Variants in CLSTN2 observed in about 807,000 individuals in gnomAD.
CLSTN2 encodes the protein calsyntenin-2.
CLSTN2 carries 48 observed loss-of-function variants against 101.2 expected under a neutral mutation model. The observed-to-expected ratio is 0.47, with a 90% CI of 0.38 to 0.60. The LOEUF (loss-of-function observed/expected upper bound fraction) is 0.60, where lower values mean the gene tolerates loss of function less well. CLSTN2 is among the 20% of genes least tolerant of loss of function. CLSTN2 has a pLI of 0.00. For missense variants in CLSTN2, 1,160 were observed against 1,238.2 expected, an observed-to-expected ratio of 0.94 and a Z score of 0.95; for synonymous variants, 481 against 463.6, an observed-to-expected ratio of 1.04 and a Z score of -0.48.
At chr3:140,464,703 T>C (rs1933644553) in intron 7 of CLSTN2, among the ~76,000 whole-genome samples, 1 of 152,182 alleles carries the variant, frequency 6.6e-6, no homozygotes, top group Non-Finnish European at 1.5e-5. Context: ...AAATTCTTCC[T>C]TTCTATATTT....
chr3:140,374,538 G>T (rs1993961), intron 2 of CLSTN2, among the ~76,000 whole-genome samples: 145,675 of 152,272 alleles, frequency 0.96, 70,001 homozygotes, highest in East Asian at 1. Context: ...TAAATTTCCT[G>T]TATAATTTTA....
chr3:140,450,761 C>G (rs909485228), intron 6 of CLSTN2, among the ~76,000 whole-genome samples: 2 of 152,046 alleles, frequency 1.3e-5, no homozygotes, highest in African/African-American at 4.8e-5. Context: ...CACACACACC[C>G]CTTCACCCAC....
chr3:140,442,643 C>T (rs1009771128), intron 5 of CLSTN2, among the ~76,000 whole-genome samples: 3 of 152,090 alleles, frequency 2.0e-5, no homozygotes, highest in South Asian at 2.1e-4. Context: ...ATGGATTGAT[C>T]GAGGGGTGGC....
intron 1 of CLSTN2, among the ~76,000 whole-genome samples, chr3:140,142,580 G>T (rs1000726382): frequency 6.6e-6 from 1 of 152,200 alleles, no homozygotes; most frequent in Non-Finnish European, 1.5e-5. Context: ...ACTAAGTTCT[G>T]CACCTGGATT....
At chr3:140,201,686 T>C (rs1576465124) in intron 2 of CLSTN2, among the ~76,000 whole-genome samples, 1 of 152,282 alleles carries the variant, frequency 6.6e-6, no homozygotes, top group South Asian at 2.1e-4. Flanking sequence ...AAACTTAGAA[T>C]ATATCAGTAA....
chr3:139,937,746 AAAACAAAC>A (rs201494181), intron 1 of CLSTN2, among the ~76,000 whole-genome samples: 8 of 151,994 alleles, frequency 5.3e-5, no homozygotes, highest in Admixed American at 4.6e-4. Flanking sequence ...CTCCGTCTCA[AAAACAAAC>A]AAACAAACAA....
intron 1 of CLSTN2, among the ~76,000 whole-genome samples, chr3:140,129,547 G>C (rs1043467414): frequency 2.6e-5 from 4 of 152,168 alleles, no homozygotes; most frequent in African/African-American, 9.7e-5. Flanking sequence ...AAAGTGTCTA[G>C]TACACAGTAT....
intron 8 of CLSTN2, among the ~76,000 whole-genome samples, chr3:140,468,928 C>T (rs1168499556): frequency 6.6e-6 from 1 of 152,158 alleles, no homozygotes; most frequent in Non-Finnish European, 1.5e-5. Flanking sequence ...GGCTGAGTGG[C>T]TTAAATAATA....
In CLSTN2 at chr3:140,109,142, G is replaced by C. The variant is rs538712406; in HGVS notation, c.110-66809G>C. On this transcript the variant is annotated intron_variant, in intron 1 of 16. Transcript: ENST00000458420. ...GCATGTGAGTCTTTATGGGGTCTCA[G>C]CATGTTACACATGGAAACGTCTTAT... is the stretch of plus-strand genomic sequence containing the variant. Among the ~76,000 whole-genome samples, 416 of 152,314 alleles carry C rather than the reference G, an allele frequency of 2.7e-3. 1 individual carries two copies. Among genetic ancestry groups the C allele is most frequent in the Middle Eastern group, 0.02 (6 of 294 alleles).
chr3:140,122,894 A>C (rs2009366675), intron 1 of CLSTN2, among the ~76,000 whole-genome samples: 1 of 152,146 alleles, frequency 6.6e-6, no homozygotes, highest in African/African-American at 2.4e-5. Context: ...AGATATACAA[A>C]AATATGCCAT....
At chr3:140,106,800 A>T (rs1048729765) in intron 1 of CLSTN2, among the ~76,000 whole-genome samples, 2 of 152,270 alleles carry the variant, frequency 1.3e-5, no homozygotes, top group African/African-American at 4.8e-5. Flanking sequence ...AATACTATTA[A>T]GAAAAATATT....
intron 4 of CLSTN2, among the ~76,000 whole-genome samples, chr3:140,414,640 G>T (rs1296112819): frequency 6.6e-6 from 1 of 151,874 alleles, no homozygotes; most frequent in Non-Finnish European, 1.5e-5. Flanking sequence ...TGGATGATAG[G>T]TGCACTAATA....
Position 140,577,094 on chromosome 3 carries a change from G to C in CLSTN2, c.*10841G>C, listed in dbSNP as rs1985753680. 6.6e-6 allele frequency: 1 copy of C among 152,154 alleles called. No individual in the cohort carries two copies. Among genetic ancestry groups the C allele is most frequent in the African/African-American group, 2.4e-5 (1 of 41,438 alleles). 9.4% of individuals were successfully genotyped at this position (152,154 alleles called of 1,614,324 possible). Reference sequence around the variant, plus strand: ...CATATCCAATTCAGACTGACACAGAGTGAGGGGCGCTGAGAGTCTCTATGT... The same window carrying C: ...CATATCCAATTCAGACTGACACAGACTGAGGGGCGCTGAGAGTCTCTATGT... On this transcript the variant is annotated 3_prime_UTR_variant, in exon 17 of 17. Coordinates refer to ENST00000458420, the MANE Select transcript of CLSTN2 (RefSeq NM_022131.3).
chr3:140,529,598 A>T (rs745431499), intron 8 of CLSTN2, among the ~76,000 whole-genome samples: 21 of 152,230 alleles, frequency 1.4e-4, no homozygotes, highest in Non-Finnish European at 2.6e-4. Flanking sequence ...GGGTCAATGT[A>T]GGTCTCTTCC....
At chr3:140,539,899 G>A (rs1047417220) in intron 9 of CLSTN2, among the ~76,000 whole-genome samples, 29 of 152,286 alleles carry the variant, frequency 1.9e-4, no homozygotes, top group Non-Finnish European at 3.5e-4. Flanking sequence ...AAGGCCAGAG[G>A]ATTCCGGATT....
At chr3:140,168,176 A>T (rs1181540341) in intron 1 of CLSTN2, among the ~76,000 whole-genome samples, 1 of 152,158 alleles carries the variant, frequency 6.6e-6, no homozygotes, top group East Asian at 1.9e-4. Context: ...ATTACTTTAC[A>T]TGTTTATCAG....
chr3:140,062,160 C>A (rs2008217401), intron 1 of CLSTN2, among the ~76,000 whole-genome samples: 1 of 152,030 alleles, frequency 6.6e-6, no homozygotes, highest in Admixed American at 6.5e-5. Context: ...TGCCGTAGAG[C>A]CCCGGGTACT....
intron 8 of CLSTN2, chr3:140,505,682 A>G (rs1162773598): frequency 6.6e-6 from 1 of 152,192 alleles, no homozygotes; most frequent in African/African-American, 2.4e-5. Flanking sequence ...CTAAATTATA[A>G]TTATGTTTCT....
intron 2 of CLSTN2, among the ~76,000 whole-genome samples, chr3:140,353,220 A>AAT (rs1181611832): frequency 6.9e-6 from 1 of 144,110 alleles, no homozygotes; most frequent in Non-Finnish European, 1.5e-5. Flanking sequence ...CAACTAATGG[A>AAT]ATATATATAT....
Sources: allele counts gnomAD v4.1 joint callset (sites outside exome capture counted in the v4.1 genomes callset), GRCh38; gene constraint gnomAD v4.1.1; transcripts MANE v1.5; gene names NCBI Gene and HGNC (gene_info 2026-07-23, HGNC 2026-07-21).